Variants in TMEM117 observed in about 807,000 individuals in gnomAD.
The protein encoded by TMEM117 is transmembrane protein 117.
A neutral mutation model predicts 52.4 loss-of-function variants in TMEM117; 27 were observed. The observed-to-expected ratio is 0.51, with a 90% confidence interval of 0.38 to 0.71. The LOEUF is 0.71. Ranked by LOEUF, TMEM117 falls within the 30% of genes least tolerant of loss-of-function variation. The pLI, the probability that TMEM117 is intolerant of heterozygous loss-of-function variation, is 0.00. For missense variants in TMEM117, 556 were observed against 630.5 expected, an observed-to-expected ratio of 0.88 and a Z score of 1.26; for synonymous variants, 215 against 206.3, an observed-to-expected ratio of 1.04 and a Z score of -0.36.
intron 4 of TMEM117, among the ~76,000 whole-genome samples, chr12:44,151,660 A>G (rs1023974528): frequency 2.0e-5 from 3 of 150,902 alleles, no homozygotes; most frequent in Admixed American, 6.7e-5. Flanking sequence ...AGTCAATGAT[A>G]TAATGAAATG....
At chr12:44,269,501 T>G (rs1046288979) in intron 5 of TMEM117, among the ~76,000 whole-genome samples, 12 of 152,012 alleles carry the variant, frequency 7.9e-5, no homozygotes, top group African/African-American at 2.7e-4. Context: ...TATTTTTTTT[T>G]TAGTTTTGTT....
chr12:44,373,584 C>G (rs748854864), intron 6 of TMEM117, among the ~76,000 whole-genome samples: 1 of 152,126 alleles, frequency 6.6e-6, no homozygotes, highest in East Asian at 1.9e-4. Context: ...CTGTCTTTCA[C>G]CTCTGTCTCC....
chr12:43,906,323 C>A (rs543072905), intron 2 of TMEM117, among the ~76,000 whole-genome samples: 1 of 152,010 alleles, frequency 6.6e-6, no homozygotes, highest in East Asian at 1.9e-4. Flanking sequence ...ATTAGCTGGG[C>A]ATGGTGGTGC....
At chr12:44,187,096 G>A (rs75982623) in intron 4 of TMEM117, among the ~76,000 whole-genome samples, 3 of 152,032 alleles carry the variant, frequency 2.0e-5, no homozygotes, top group Non-Finnish European at 2.9e-5. Flanking sequence ...TTTCTACTAC[G>A]TATTAGTTTC....
chr12:44,048,816 C>T (rs747948164), intron 3 of TMEM117, among the ~76,000 whole-genome samples: 6 of 152,174 alleles, frequency 3.9e-5, no homozygotes, highest in East Asian at 3.9e-4. Flanking sequence ...AATACAAACA[C>T]GTACTGGACA....
At chr12:44,289,392 CT>C (rs960574669) in intron 5 of TMEM117, among the ~76,000 whole-genome samples, 22 of 151,926 alleles carry the variant, frequency 1.4e-4, no homozygotes, top group Admixed American at 1.4e-3. Flanking sequence ...ACTTAATTGC[CT>C]TTAGATATAT....
chr12:43,820,878 G>C, the TMEM117 span, among the ~76,000 whole-genome samples: 2 of 151,682 alleles, frequency 1.3e-5, no homozygotes, highest in Non-Finnish European at 2.9e-5. Flanking sequence ...GAGGCAGGCG[G>C]ATCACGAGGT....
intron 4 of TMEM117, among the ~76,000 whole-genome samples, chr12:44,166,405 T>C (rs1041368979): frequency 6.6e-6 from 1 of 152,174 alleles, no homozygotes; most frequent in African/African-American, 2.4e-5. Flanking sequence ...ATGAATTTTG[T>C]TGGAGGGTAT....
chr12:44,076,895 C>G (rs1947391402), intron 3 of TMEM117, among the ~76,000 whole-genome samples: 1 of 152,102 alleles, frequency 6.6e-6, no homozygotes, highest in Non-Finnish European at 1.5e-5. Flanking sequence ...AGGCCTTAAA[C>G]TATTGATTTG....
At chr12:44,235,695 C>G (rs956024169) in intron 5 of TMEM117, among the ~76,000 whole-genome samples, 1 of 151,574 alleles carries the variant, frequency 6.6e-6, no homozygotes, top group African/African-American at 2.4e-5. Context: ...GGATCATTTT[C>G]CATCATTCCT....
chr12:44,223,645 A>G (rs1308700195), intron 5 of TMEM117, among the ~76,000 whole-genome samples: 1 of 152,190 alleles, frequency 6.6e-6, no homozygotes, highest in Admixed American at 6.5e-5. Flanking sequence ...TAGGCTGCTC[A>G]CATTTTAAAC....
intron 3 of TMEM117, among the ~76,000 whole-genome samples, chr12:44,101,801 C>A (rs1947865642): frequency 1.3e-5 from 2 of 152,066 alleles, no homozygotes; most frequent in Non-Finnish European, 2.9e-5. Flanking sequence ...GAGCATGTGG[C>A]TGTCCTCCTT....
chr12:43,807,130 G>GT, the TMEM117 span, among the ~76,000 whole-genome samples: 82 of 151,190 alleles, frequency 5.4e-4, 1 homozygote, highest in Middle Eastern at 6.8e-3. Flanking sequence ...GGGGGGTTTG[G>GT]TTTTTTTTTG....
intron 3 of TMEM117, among the ~76,000 whole-genome samples, chr12:43,999,542 C>T (rs1056510461): frequency 5.3e-5 from 8 of 152,170 alleles, no homozygotes; most frequent in African/African-American, 1.9e-4. Flanking sequence ...TGCAGTGTTA[C>T]AGTCTTAGCT....
At chr12:44,081,685 G>A (rs1213000506) in intron 3 of TMEM117, among the ~76,000 whole-genome samples, 1 of 152,014 alleles carries the variant, frequency 6.6e-6, no homozygotes, top group African/African-American at 2.4e-5. Context: ...TAAAGTTAAT[G>A]ACTTCTTTGG....
At chr12:44,027,702 T>G (rs894239086) in intron 3 of TMEM117, among the ~76,000 whole-genome samples, 2 of 152,184 alleles carry the variant, frequency 1.3e-5, no homozygotes, top group Non-Finnish European at 2.9e-5. Flanking sequence ...AGTGACTAAA[T>G]GGATGGTAGA....
intron 3 of TMEM117, among the ~76,000 whole-genome samples, chr12:44,059,206 C>G (rs1947102053): frequency 6.6e-6 from 1 of 152,112 alleles, no homozygotes; most frequent in Non-Finnish European, 1.5e-5. Context: ...GCAGCAGTAT[C>G]GGTCTGCAGC....
chr12:43,838,133 T>C (rs1237123111), intron 1 of TMEM117, among the ~76,000 whole-genome samples: 1 of 152,210 alleles, frequency 6.6e-6, no homozygotes, highest in Non-Finnish European at 1.5e-5. Flanking sequence ...TTGTGTTTTT[T>C]TTTTAACCTG....
intron 3 of TMEM117, among the ~76,000 whole-genome samples, chr12:44,067,050 CT>C (rs1947231491): frequency 1.3e-5 from 2 of 152,164 alleles, no homozygotes; most frequent in Admixed American, 6.5e-5. Flanking sequence ...TAGGTTCCAT[CT>C]CAAGAAAATA....
Sources: gnomAD v4.1 joint callset for allele counts (sites outside exome capture counted in the v4.1 genomes callset) on GRCh38, gnomAD v4.1.1 for gene constraint, MANE v1.5 for transcripts, NCBI Gene and HGNC (gene_info 2026-07-23, HGNC 2026-07-21) for gene names.